ANK2: variants seen among roughly 807,000 people sequenced by gnomAD.
ANK2 encodes the protein ankyrin-2.
ANK2 carries 83 observed loss-of-function variants against 360.5 expected under a neutral mutation model. That is an observed-to-expected ratio of 0.23 (90% CI 0.19 to 0.28). The LOEUF (loss-of-function observed/expected upper bound fraction) is 0.28, where lower values mean the gene tolerates loss of function less well. Among genes scored for constraint, ANK2 ranks in the 10% least tolerant of loss-of-function variants. The pLI, the probability that ANK2 is intolerant of heterozygous loss-of-function variation, is 1.00. For missense variants in ANK2, 4,201 were observed against 4,795.7 expected, an observed-to-expected ratio of 0.88 and a Z score of 3.66; for synonymous variants, 1,740 against 1,759.5, an observed-to-expected ratio of 0.99 and a Z score of 0.28.
the ANK2 span, among the ~76,000 whole-genome samples, chr4:112,750,115 C>A: frequency 6.6e-6 from 1 of 152,132 alleles, no homozygotes; most frequent in African/African-American, 2.4e-5. Context: ...TCTCTGCTGT[C>A]AGGCTGGCAT....
Position 112,997,791 on chromosome 4 carries a change from TAAAC to T in ANK2, c.21+93279_21+93282del, listed in dbSNP as rs199865628. 9.3e-3 allele frequency among the ~76,000 whole-genome samples: 1,409 copies of T among 151,888 alleles called. 24 individuals are homozygous for T. Among genetic ancestry groups the T allele is most frequent in the African/African-American group, 0.031 (1,304 of 41,442 alleles). On this transcript the variant is annotated intron_variant, in intron 2 of 30. Transcript: ENST00000503271. ...TATATACACATGTATACAAATGACT[TAAAC>T]ATATATACACACACACACATATATG...
rs1421343122 is a variant in ANK2, at chr4:112,935,970, A to G, written c.21+31456A>G. On this transcript the variant is annotated intron_variant, in intron 2 of 30. Transcript: ENST00000503271. ...AAGGAAAGACATACAGAAATTAAAAATTTACAAAGCAACATCAGTGATGGA... is the reference window on the plus strand; with the variant it reads ...AAGGAAAGACATACAGAAATTAAAAGTTTACAAAGCAACATCAGTGATGGA... Among the ~76,000 whole-genome samples the G allele has an allele frequency of 2.0e-5, 3 of 152,358 alleles. No homozygotes were observed. The East Asian group carries it at 5.8e-4, about 29-fold the overall frequency.
intron 1 of ANK2, among the ~76,000 whole-genome samples, chr4:113,071,131 G>A (rs940609561): frequency 6.6e-6 from 1 of 152,124 alleles, no homozygotes; most frequent in African/African-American, 2.4e-5. Context: ...AATAATTACT[G>A]CTTCTAATAT....
chr4:113,074,852 T>G (rs1398780780), intron 1 of ANK2, among the ~76,000 whole-genome samples: 1 of 152,264 alleles, frequency 6.6e-6, no homozygotes, highest in Non-Finnish European at 1.5e-5. Context: ...AATACGTTTA[T>G]GAAGTAATGA....
At chr4:112,942,808 T>G (rs2094322933) in intron 2 of ANK2, among the ~76,000 whole-genome samples, 1 of 152,052 alleles carries the variant, frequency 6.6e-6, no homozygotes, top group South Asian at 2.1e-4. Context: ...TTCCTTATCT[T>G]TTTGTATTCC....
chr4:113,240,173 T>A (rs1236449104), intron 7 of ANK2, among the ~76,000 whole-genome samples: 4 of 152,172 alleles, frequency 2.6e-5, no homozygotes, highest in Non-Finnish European at 5.9e-5. Flanking sequence ...ATATTCTGGT[T>A]TTCTTCAATA....
At chr4:113,231,755 C>T (rs2153533014) in intron 4 of ANK2, among the ~76,000 whole-genome samples, 1 of 152,214 alleles carries the variant, frequency 6.6e-6, no homozygotes, top group Non-Finnish European at 1.5e-5. Context: ...AGGCATGCGC[C>T]ACCACGCCCG....
the ANK2 span, among the ~76,000 whole-genome samples, chr4:112,779,729 A>T: frequency 6.6e-6 from 1 of 152,214 alleles, no homozygotes; most frequent in Non-Finnish European, 1.5e-5. Flanking sequence ...ACACATTTTA[A>T]TTTCAGGATT....
chr4:113,043,026 G>A (rs1448714708), intron 2 of ANK2, among the ~76,000 whole-genome samples: 1 of 152,084 alleles, frequency 6.6e-6, no homozygotes. Flanking sequence ...TCATGCCAAA[G>A]CCCCAGTAAC....
chr4:112,888,536 T>C (rs2079047074), intron 1 of ANK2, among the ~76,000 whole-genome samples: 1 of 152,088 alleles, frequency 6.6e-6, no homozygotes, highest in Admixed American at 6.5e-5. Flanking sequence ...TTGAAACAGC[T>C]CTGAATTTTT....
At position 113,369,514 on chromosome 4, in the gene ANK2, T is replaced by C; in HGVS notation, c.11319T>C (p.Phe3773=). The C allele has an allele frequency of 6.2e-7, 1 of 1,613,662 alleles. No homozygotes were observed. Among genetic ancestry groups the C allele is most frequent in the Non-Finnish European group, 8.5e-7 (1 of 1,179,996 alleles). ...ESSLEYQQEY[F]VTTPGTETSE... is the part of the protein sequence containing the mutation. ...GTCTCATTTGGCTTTTTGATTCCAG[T>C]GTGACAACTCCAGGAACAGAAACAT... Residue 3773 remains phenylalanine, a splice_region_variant and synonymous_variant, in exon 43 of 46, where the codon TTT becomes TTC. Transcript: ENST00000357077.
intron 2 of ANK2, among the ~76,000 whole-genome samples, chr4:113,019,321 T>G (rs1009208182): frequency 6.6e-6 from 1 of 152,234 alleles, no homozygotes; most frequent in Non-Finnish European, 1.5e-5. Flanking sequence ...AGCATAACTT[T>G]TTTTGTACTT....
At chr4:112,848,071 A>G (rs1388183327) in intron 1 of ANK2, among the ~76,000 whole-genome samples, 11 of 152,150 alleles carry the variant, frequency 7.2e-5, no homozygotes, top group African/African-American at 2.4e-4. Context: ...CTGGATTAAG[A>G]GCTCATCTCT....
At chr4:112,964,144 G>C (rs2036113696) in intron 2 of ANK2, among the ~76,000 whole-genome samples, 1 of 147,964 alleles carries the variant, frequency 6.8e-6, no homozygotes, top group Admixed American at 6.8e-5. Context: ...GGGCACACGA[G>C]ATACTTTGAT....
chr4:112,808,188 C>T, the ANK2 span, among the ~76,000 whole-genome samples: 1 of 152,194 alleles, frequency 6.6e-6, no homozygotes, highest in Admixed American at 6.5e-5. Flanking sequence ...AAATAGTCAT[C>T]CCACTTCTTT....
intron 1 of ANK2, among the ~76,000 whole-genome samples, chr4:112,837,824 C>T (rs2061320959): frequency 6.6e-6 from 1 of 152,212 alleles, no homozygotes; most frequent in Non-Finnish European, 1.5e-5. Flanking sequence ...AATGCCTGTA[C>T]CTCATTGTAT....
intron 39 of ANK2, 145 bp downstream of exon 39, chr4:113,361,042 C>T: frequency 5.2e-6 from 4 of 771,112 alleles, no homozygotes; most frequent in Non-Finnish European, 8.9e-6. Flanking sequence ...AAAACCTGGG[C>T]TCTGCATCAG....
At chr4:113,152,086 AAAAAAAAAG>A (rs2097116676) in intron 1 of ANK2, among the ~76,000 whole-genome samples, 1 of 78,192 alleles carries the variant, frequency 1.3e-5, no homozygotes, top group African/African-American at 6.8e-5. Context: ...AAAGAAAAAA[AAAAAAAAAG>A]AAAAAAGAAG....
intron 1 of ANK2, among the ~76,000 whole-genome samples, chr4:112,868,980 A>T (rs1015482218): frequency 6.6e-6 from 1 of 151,556 alleles, no homozygotes; most frequent in African/African-American, 2.4e-5. Flanking sequence ...TTTTTTTTTG[A>T]GACAGGGTCT....
Sources: gnomAD v4.1 joint callset for allele counts (sites outside exome capture counted in the v4.1 genomes callset) on GRCh38, gnomAD v4.1.1 for gene constraint, MANE v1.5 for transcripts, NCBI Gene and HGNC (gene_info 2026-07-23, HGNC 2026-07-21) for gene names.